Variants in AFAP1L2 observed in about 807,000 individuals in gnomAD.
AFAP1L2 encodes the protein actin filament associated protein 1 like 2, also known as actin filament-associated protein 1-like 2.
In AFAP1L2, 46 loss-of-function variants were observed where a neutral mutation model predicts 99.3. That is an observed-to-expected ratio of 0.46 (90% CI 0.37 to 0.59). The LOEUF is 0.59. Ranked by LOEUF, AFAP1L2 falls within the 20% of genes least tolerant of loss-of-function variation. AFAP1L2 has a pLI of 0.00. For synonymous variants in AFAP1L2, 397 were observed against 419.1 expected (o/e 0.95, Z 0.64); for missense variants, 959 against 1,034.9 (o/e 0.93, Z 1.01).
Position 114,304,936 on chromosome 10 carries a change from G to A in AFAP1L2, c.1073-6C>T. Reference sequence around the variant, plus strand: ...CACCAGCACGTTCAGGTAACCTGCAGGAGGAAGTGCAGATGCAGGAGGGGA... The same window carrying A: ...CACCAGCACGTTCAGGTAACCTGCAAGAGGAAGTGCAGATGCAGGAGGGGA... On this transcript the variant is annotated splice_region_variant and splice_polypyrimidine_tract_variant and intron_variant, in intron 10 of 18. Coordinates refer to ENST00000304129, the MANE Select transcript of AFAP1L2 (RefSeq NM_001001936.3). 6.2e-7 allele frequency: 1 copy of A among 1,612,666 alleles called. No individual in the cohort carries two copies. The highest frequency in any genetic ancestry group is 8.5e-7 in the Non-Finnish European group (1 of 1,179,798).
the AFAP1L2 span, chr10:114,289,029 G>A: frequency 6.2e-7 from 1 of 1,614,194 alleles, no homozygotes; most frequent in Non-Finnish European, 8.5e-7. Flanking sequence ...AGAGCTTTGT[G>A]AGAAGCTGTG....
chr10:114,296,245 T>G, intron 18 of AFAP1L2, 177 bp from the exon 19 acceptor site: 1 of 817,100 alleles, frequency 1.2e-6, no homozygotes, highest in Non-Finnish European at 2.0e-6. Flanking sequence ...TTCAGAGATT[T>G]TGAGACTGTG....
intron 5 of AFAP1L2, among the ~76,000 whole-genome samples, 175 bp from the exon 6 acceptor site, chr10:114,315,940 C>A (rs894371182): frequency 1.3e-5 from 2 of 152,214 alleles, no homozygotes; most frequent in South Asian, 4.1e-4. Context: ...GGCTTTCCTG[C>A]CCCCAAACCC....
At chr10:114,298,028 A>G (rs2040530088) in intron 16 of AFAP1L2, among the ~76,000 whole-genome samples, 1 of 152,222 alleles carries the variant, frequency 6.6e-6, no homozygotes, top group Non-Finnish European at 1.5e-5. Context: ...CCATCTCTAA[A>G]GAGGGAAGGA....
intron 1 of AFAP1L2, among the ~76,000 whole-genome samples, chr10:114,354,744 C>G (rs555659270): frequency 1.3e-5 from 2 of 152,286 alleles, no homozygotes; most frequent in South Asian, 4.1e-4. Context: ...TAAGCCAGTG[C>G]TCAGAAGGAA....
At chr10:114,379,117 G>T (rs901487124) in intron 1 of AFAP1L2, among the ~76,000 whole-genome samples, 4 of 152,028 alleles carry the variant, frequency 2.6e-5, no homozygotes, top group African/African-American at 9.7e-5. Context: ...GGAGGCTGAG[G>T]CATAAGAATT....
chr10:114,308,976 C>T (rs2042818772), intron 8 of AFAP1L2, among the ~76,000 whole-genome samples: 1 of 152,216 alleles, frequency 6.6e-6, no homozygotes, highest in Non-Finnish European at 1.5e-5. Flanking sequence ...CTGAGCCTCA[C>T]TCTGCATGTG....
chr10:114,314,242 A>G (rs555247614), intron 6 of AFAP1L2, among the ~76,000 whole-genome samples, 192 bp from the exon 7 acceptor site: 5 of 152,234 alleles, frequency 3.3e-5, no homozygotes, highest in Non-Finnish European at 7.4e-5. Context: ...TGTTCTTCAC[A>G]TCAGATTGTC....
intron 16 of AFAP1L2, among the ~76,000 whole-genome samples, chr10:114,298,699 T>C (rs1360834209): frequency 1.3e-5 from 2 of 152,168 alleles, no homozygotes; most frequent in Non-Finnish European, 2.9e-5. Context: ...TTTTTAATTT[T>C]GAAATTTTAA....
intron 1 of AFAP1L2, among the ~76,000 whole-genome samples, chr10:114,343,026 C>T (rs2049032131): frequency 6.6e-6 from 1 of 152,192 alleles, no homozygotes; most frequent in Admixed American, 6.5e-5. Context: ...ATGAAAGAAT[C>T]CCATGGCTGA....
chr10:114,319,693 A>G, intron 5 of AFAP1L2: 3 of 1,259,250 alleles, frequency 2.4e-6, no homozygotes, highest in Non-Finnish European at 3.1e-6. Context: ...AGAGAGACAG[A>G]ATGAAGAGAG....
upstream of AFAP1L2, chr10:114,404,717 C>A: frequency 2.8e-6 from 1 of 359,706 alleles, no homozygotes; most frequent in Non-Finnish European, 4.8e-6. Context: ...AGTCGGTGCG[C>A]GCCCGCGGCC....
intron 1 of AFAP1L2, among the ~76,000 whole-genome samples, chr10:114,365,092 G>A (rs148095069): frequency 5.9e-4 from 90 of 152,316 alleles, no homozygotes; most frequent in African/African-American, 1.3e-3. Context: ...CCTGTGCACC[G>A]TGCTTCCAGA....
chr10:114,298,992 C>T (rs1023794173), intron 16 of AFAP1L2, among the ~76,000 whole-genome samples: 5 of 152,246 alleles, frequency 3.3e-5, no homozygotes, highest in African/African-American at 1.2e-4. Flanking sequence ...ATGCATAACC[C>T]TGTAAAACTT....
At chr10:114,322,113 C>T (rs935612373) in intron 5 of AFAP1L2, among the ~76,000 whole-genome samples, 2 of 152,188 alleles carry the variant, frequency 1.3e-5, no homozygotes, top group African/African-American at 4.8e-5. Context: ...CTTGCTACTG[C>T]CATGTAAGAC....
intron 10 of AFAP1L2, 135 bp downstream of exon 10, chr10:114,307,670 G>T: frequency 1.4e-6 from 1 of 691,398 alleles, no homozygotes; most frequent in Non-Finnish European, 2.5e-6. Context: ...GGAACCTGAG[G>T]GCTGCAGGCT....
At chr10:114,348,125 ACTTC>A (rs1270778446) in intron 1 of AFAP1L2, among the ~76,000 whole-genome samples, 11 of 151,882 alleles carry the variant, frequency 7.2e-5, no homozygotes, top group African/African-American at 2.4e-4. Context: ...AGGTATGGCT[ACTTC>A]CTTCCTTCTT....
At chr10:114,290,490 T>C, downstream of AFAP1L2, 2 of 1,360,400 alleles carry the variant, frequency 1.5e-6, no homozygotes, top group Admixed American at 4.3e-5. Context: ...TATTCAGTCG[T>C]TTACCCACGA....
downstream of AFAP1L2, among the ~76,000 whole-genome samples, chr10:114,293,241 C>T (rs12572135): frequency 0.078 from 11,894 of 152,178 alleles, 613 homozygotes; most frequent in East Asian, 0.25. Flanking sequence ...AGACAACGTC[C>T]GGGGCAGGAT....
Sources: allele counts gnomAD v4.1 joint callset (sites outside exome capture counted in the v4.1 genomes callset), GRCh38; gene constraint gnomAD v4.1.1; transcripts MANE v1.5; gene names NCBI Gene and HGNC (gene_info 2026-07-23, HGNC 2026-07-21).